Variants in NRL observed in about 807,000 individuals in gnomAD.
NRL encodes the protein neural retina leucine zipper, also known as neural retina-specific leucine zipper protein.
A neutral mutation model predicts 12.5 loss-of-function variants in NRL; 16 were observed. The observed-to-expected ratio is 1.28, with a 90% CI of 0.87 to 1.95. The LOEUF is 1.95. Ranked by LOEUF, NRL falls within the 30% of genes most tolerant of loss-of-function variation. The pLI, the probability that NRL is intolerant of heterozygous loss-of-function variation, is 0.00. For synonymous variants in NRL, 142 were observed against 150.9 expected (o/e 0.94, Z 0.43); for missense variants, 314 against 325.8 (o/e 0.96, Z 0.28).
At chr14:24,088,653 T>A (rs930875259) in intron 1 of NRL, among the ~76,000 whole-genome samples, 1 of 133,414 alleles carries the variant, frequency 7.5e-6, no homozygotes, top group South Asian at 2.3e-4. Flanking sequence ...TGAATTATAC[T>A]TTTTTTTTTT....
At position 24,114,774 on chromosome 14, in the gene NRL, G is replaced by A. The variant is rs898062450; in HGVS notation, c.-80C>T. The A allele has an allele frequency of 1.0e-6, 1 of 985,942 alleles. No individual in the cohort carries two copies. The highest frequency in any genetic ancestry group is 1.2e-6 in the Non-Finnish European group (1 of 829,950). The allele number at this position is 985,942 out of a possible 1,614,324, so 61.1% of individuals were successfully genotyped here. ...GTTGGCTGGCCAAGGGGGCGGGGCC[G>A]TCGTGTGACGTTTGCAGCCCGCCGG... On this transcript the variant is annotated 5_prime_UTR_variant, in exon 1 of 3. It adds an upstream start codon to the 5' untranslated region. Transcript: ENST00000561028.
In NRL at chr14:24,114,841, G is replaced by T; in HGVS notation, c.-147C>A. 2.0e-6 allele frequency: 2 copies of T among 985,988 alleles called. No individual in the cohort carries two copies. Among genetic ancestry groups the T allele is most frequent in the Non-Finnish European group, 2.4e-6 (2 of 829,968 alleles). 61.1% of individuals were successfully genotyped at this position (985,988 alleles called of 1,614,324 possible). On this transcript the variant is annotated 5_prime_UTR_variant, in exon 1 of 3. Transcript: ENST00000561028. ...TGCGTGACGAGCGAAGCGCGTGACG[G>T]AGGAGCGGTTGGCCAACGCAGTGGC...
At chr14:24,103,355 G>A in intron 1 of NRL, 2 of 1,172,432 alleles carry the variant, frequency 1.7e-6, no homozygotes, top group Non-Finnish European at 2.5e-6. Context: ...CCTGGAGTCT[G>A]ATATGGCCCC....
In NRL at chr14:24,103,776, G is replaced by A. The variant is rs1185303766; in HGVS notation, c.-28+10946C>T. The A allele has an allele frequency of 1.9e-6, 3 of 1,614,084 alleles. No homozygotes were observed. The East Asian group carries it at 6.7e-5, about 36-fold the overall frequency. ...GACACCCATTGGGCTGGTGCCAAAG[G>A]AAGGAGCCTTGGATCTCAGCGGCCT... On this transcript the variant is annotated intron_variant, in intron 1 of 2. Coordinates refer to ENST00000561028, the MANE Select transcript of NRL (RefSeq NM_001354768.3).
At chr14:24,108,133 T>C (rs2037366767) in intron 1 of NRL, among the ~76,000 whole-genome samples, 1 of 152,228 alleles carries the variant, frequency 6.6e-6, no homozygotes, top group South Asian at 2.1e-4. Flanking sequence ...CTCATTGTGT[T>C]CATTTCCTTC....
In NRL at chr14:24,079,385, C is replaced by G. The variant is rs1051167697; in HGVS notation, c.*1851G>C. On this transcript the variant is annotated 3_prime_UTR_variant, in exon 3 of 3. Coordinates refer to ENST00000561028, the MANE Select transcript of NRL (RefSeq NM_001354768.3). ...AAGGACCCTCCCTGCCCCATCCTCT[C>G]CCTTCAACAATGAGTGTGGAAGGGG... is the stretch of plus-strand genomic sequence containing the variant. Among the ~76,000 whole-genome samples, 1 of 152,196 alleles carries G rather than the reference C, an allele frequency of 6.6e-6. No individual in the cohort carries two copies. The highest frequency in any genetic ancestry group is 1.5e-5 in the Non-Finnish European group (1 of 68,048).
In NRL at chr14:24,081,913, C is replaced by G; in HGVS notation, c.382-345G>C. 7.7e-7 allele frequency: 1 copy of G among 1,295,686 alleles called. No homozygotes were observed. The highest frequency in any genetic ancestry group is 1.5e-5 in the South Asian group (1 of 64,576). The allele number at this position is 1,295,686 out of a possible 1,614,324, so 80.3% of individuals were successfully genotyped here. On this transcript the variant is annotated intron_variant, in intron 2 of 2. Transcript: ENST00000561028. The surrounding 1 kb of genome is among the most constrained non-coding windows in gnomAD (Gnocchi z 4.4). ...TGTGTCCAGTGGACCCGCACCCAGACAGCCCCCAACCCTCCAACGCGCTGC... is the reference window on the plus strand; with the variant it reads ...TGTGTCCAGTGGACCCGCACCCAGAGAGCCCCCAACCCTCCAACGCGCTGC...
At chr14:24,086,178 C>T (rs940513299) in intron 1 of NRL, among the ~76,000 whole-genome samples, 4 of 152,052 alleles carry the variant, frequency 2.6e-5, no homozygotes, top group Admixed American at 2.6e-4. Context: ...CGTGCCCCTG[C>T]ACTCCAGCTT....
rs998002652 is a variant in NRL, at chr14:24,080,958, C to T, written c.*278G>A. ...ACTGTGTCACCACACTTCCACCCCC[C>T]AGTGCCTGGCACTGGTCCCTGCAGA... On this transcript the variant is annotated 3_prime_UTR_variant, in exon 3 of 3. Coordinates refer to ENST00000561028, the MANE Select transcript of NRL (RefSeq NM_001354768.3). 5.8e-6 allele frequency: 2 copies of T among 342,914 alleles called. No homozygotes were observed. The highest frequency in any genetic ancestry group is 2.1e-5 in the African/African-American group (1 of 47,106). The allele number at this position is 342,914 out of a possible 1,614,324, so 21.2% of individuals were successfully genotyped here. A position where few individuals can be genotyped will look rare whatever the true frequency, so the allele number is the denominator to read the frequency against.
At chr14:24,095,344 C>T (rs889570937) in intron 1 of NRL, 2 of 417,690 alleles carry the variant, frequency 4.8e-6, no homozygotes, top group East Asian at 7.2e-5. Flanking sequence ...CTGATGCTCA[C>T]GGAGAACTTC....
rs1268090015 is a variant in NRL, at chr14:24,094,659, G to A, written c.-27-11784C>T. On this transcript the variant is annotated intron_variant, in intron 1 of 2. Transcript: ENST00000561028. The surrounding 1 kb of genome is among the most constrained non-coding windows in gnomAD (Gnocchi z 4.1). ...GCCTGCACCTCCCCTTCTCTGCCTC[G>A]CTCGCCTCTGACCGCGCGATCTCTA... 2.7e-6 allele frequency: 4 copies of A among 1,504,394 alleles called. No individual in the cohort carries two copies. The highest frequency in any genetic ancestry group is 3.5e-6 in the Non-Finnish European group (4 of 1,128,472). The allele number at this position is 1,504,394 out of a possible 1,614,324, so 93.2% of individuals were successfully genotyped here.
At chr14:24,103,240 G>A (rs2037237302) in intron 1 of NRL, 2 of 1,613,404 alleles carry the variant, frequency 1.2e-6, no homozygotes, top group Admixed American at 1.7e-5. Context: ...GTCCACTGCT[G>A]CAGCAGAACA....
chr14:24,101,244 C>G (rs1272705465), intron 1 of NRL, among the ~76,000 whole-genome samples: 1 of 152,238 alleles, frequency 6.6e-6, no homozygotes, highest in Non-Finnish European at 1.5e-5. Context: ...TTGTCCCCAG[C>G]TTCAATTCCC....
intron 1 of NRL, among the ~76,000 whole-genome samples, chr14:24,095,719 G>C (rs2036843605): frequency 6.6e-6 from 1 of 152,142 alleles, no homozygotes; most frequent in Admixed American, 6.5e-5. Flanking sequence ...TGCTCTCTCG[G>C]GTTTACTCCA....
At chr14:24,098,922 G>C in intron 1 of NRL, 1 of 781,440 alleles carries the variant, frequency 1.3e-6, no homozygotes, top group East Asian at 2.4e-5. Context: ...GAGGTGGGGG[G>C]CTTCAGCCAC....
Position 24,094,705 on chromosome 14 carries a change from C to T in NRL, c.-27-11830G>A. 6.6e-7 allele frequency: 1 copy of T among 1,512,140 alleles called. No homozygotes were observed. Among genetic ancestry groups the T allele is most frequent in the Non-Finnish European group, 8.8e-7 (1 of 1,132,058 alleles). The allele number at this position is 1,512,140 out of a possible 1,614,324, so 93.7% of individuals were successfully genotyped here. A position where few individuals can be genotyped will look rare whatever the true frequency, so the allele number is the denominator to read the frequency against. ...CTCTATCTGCCACTCTCAGAACTTC[C>T]TCTCTCTCCTCGCTCCTCTCTGCTG... On this transcript the variant is annotated intron_variant, in intron 1 of 2. Coordinates refer to ENST00000561028, the MANE Select transcript of NRL (RefSeq NM_001354768.3). This position sits in a 1 kb window ranked among gnomAD's most constrained non-coding sequence, Gnocchi z 4.1.
chr14:24,103,744 C>G lies in NRL; in HGVS notation c.-28+10978G>C, dbSNP rs748721577. The G allele has an allele frequency of 1.1e-5, 18 of 1,614,172 alleles. No homozygotes were observed. The highest frequency in any genetic ancestry group is 1.4e-5 in the Non-Finnish European group (17 of 1,180,026). ...CGGCGGTTAGAGGGGGAGGACAGTG[C>G]CCGAGAGACACCCATTGGGCTGGTG... On this transcript the variant is annotated intron_variant, in intron 1 of 2. Coordinates refer to ENST00000561028, the MANE Select transcript of NRL (RefSeq NM_001354768.3).
chr14:24,097,257 G>A, intron 1 of NRL: 1 of 937,230 alleles, frequency 1.1e-6, no homozygotes, highest in South Asian at 1.6e-5. Context: ...GAGCTTTGGG[G>A]TAAACAGACC....
rs1351146257 is a variant in NRL, at chr14:24,080,758, G to C, written c.*478C>G. 6 of 153,334 alleles carry C rather than the reference G, an allele frequency of 3.9e-5. No homozygotes were observed. Among genetic ancestry groups the C allele is most frequent in the African/African-American group, 1.4e-4 (6 of 41,488 alleles). 9.5% of individuals were successfully genotyped at this position (153,334 alleles called of 1,614,324 possible). ...TCGGATAGAGGTCCTAATCTATCTAGTTGTTGGATATTGAAATCTTGAAAA... is the reference window on the plus strand; with the variant it reads ...TCGGATAGAGGTCCTAATCTATCTACTTGTTGGATATTGAAATCTTGAAAA... On this transcript the variant is annotated 3_prime_UTR_variant, in exon 3 of 3. Coordinates refer to ENST00000561028, the MANE Select transcript of NRL (RefSeq NM_001354768.3).
Sources: gnomAD v4.1 joint callset for allele counts (sites outside exome capture counted in the v4.1 genomes callset) on GRCh38, gnomAD v4.1.1 for gene constraint, Gnocchi (gnomAD v3.1) non-coding constraint, MANE v1.5 for transcripts, NCBI Gene and HGNC (gene_info 2026-07-23, HGNC 2026-07-21) for gene names.